The following RPS17 variants were observed in gnomAD, a reference collection of about 807,000 sequenced individuals.
The protein encoded by RPS17 is small ribosomal subunit protein eS17.
For synonymous variants in RPS17, 75 were observed against 65.6 expected (o/e 1.14, Z -0.70); for missense variants, 68 against 182.3 (o/e 0.37, Z 3.61).
intron 2 of RPS17, chr15:82,539,291 T>A: frequency 3.6e-6 from 2 of 556,990 alleles, no homozygotes; most frequent in South Asian, 3.1e-5. Context: ...AATTTCAAAT[T>A]CACATAACTT....
At chr15:82,537,116 A>C (rs1456654560) in intron 4 of RPS17, 2 of 615,438 alleles carry the variant, frequency 3.2e-6, no homozygotes, top group African/African-American at 1.9e-5. Context: ...ACTTTTACCC[A>C]ATGTACCATG....
intron 4 of RPS17, chr15:82,537,805 G>A (rs1276404357): frequency 7.2e-5 from 32 of 447,252 alleles, no homozygotes; most frequent in South Asian, 4.0e-4. Flanking sequence ...ATCACCAACC[G>A]CCCATGAAGC....
chr15:82,537,014 G>A, intron 4 of RPS17, 133 bp from the exon 5 acceptor site: 1 of 944,452 alleles, frequency 1.1e-6, no homozygotes, highest in South Asian at 1.3e-5. Context: ...CCCTTTAAGA[G>A]CCAACAGGGT....
chr15:82,538,432 C>T, intron 3 of RPS17, 61 bp from the exon 4 acceptor site: 3 of 1,564,348 alleles, frequency 1.9e-6, no homozygotes, highest in Non-Finnish European at 1.8e-6. Flanking sequence ...CACCTCTCCT[C>T]CTCCTCTCCC....
At position 82,540,010 on chromosome 15, in the gene RPS17, G is replaced by T. The variant is rs1488454011; in HGVS notation, c.126C>A (p.Pro42=). 6.2e-7 allele frequency: 1 copy of T among 1,612,154 alleles called. No homozygotes were observed. The highest frequency in any genetic ancestry group is 2.2e-5 in the East Asian group (1 of 44,886). Residue 42 remains proline, a synonymous_variant, in exon 2 of 5, where the codon CCC becomes CCA. Coordinates refer to ENST00000647841, the MANE Select transcript of RPS17 (RefSeq NM_001021.6). The part of the protein sequence containing the change: ...KRVCEEIAII[P]SKKLRNKIAG... The stretch of plus-strand genomic sequence containing the variant: ...CTATCTTGTTGCGGAGCTTTTTGCT[G>T]GGGATAATGGCGATCTCCTCGCACA...
chr15:82,538,213 T>C, intron 4 of RPS17, 93 bp downstream of exon 4: 1 of 1,383,980 alleles, frequency 7.2e-7, no homozygotes, highest in East Asian at 2.3e-5. Context: ...TTCCCAACTC[T>C]GCCACTTACT....
Position 82,540,412 on chromosome 15 carries a change from G to C in RPS17, c.3+14C>G, listed in dbSNP as rs1047415278. ...CGATTGTGGAGGATGGCGGCCTCGA[G>C]CCAAAACACCTACCATGTTGGCGGG... On this transcript the variant is annotated intron_variant, in intron 1 of 4. Transcript: ENST00000647841. 1 of 1,595,558 alleles carries C rather than the reference G, an allele frequency of 6.3e-7. No homozygotes were observed. The highest frequency in any genetic ancestry group is 1.8e-5 in the Admixed American group (1 of 55,694).
chr15:82,539,634 A>G (rs1398746937), intron 2 of RPS17: 1 of 420,828 alleles, frequency 2.4e-6, no homozygotes, highest in Non-Finnish European at 4.5e-6. Context: ...GGTTGCAGTG[A>G]GCCGAGATGG....
rs1035919462 is a variant in RPS17, at chr15:82,538,874, G to A, written c.261+6C>T. On this transcript the variant is annotated splice_donor_region_variant and intron_variant, in intron 3 of 4. Transcript: ENST00000647841. ...AGCCAGAAGCCCAAATATCCAGAAA[G>A]TTTACCTCAGGAACATAATTGTCTC... The A allele has an allele frequency of 8.7e-6, 14 of 1,613,728 alleles. No individual in the cohort carries two copies. In the African/African-American group the frequency reaches 9.3e-5, roughly 11 times the overall value.
Position 82,540,146 on chromosome 15 carries a change from G to A in RPS17, c.4-14C>T, listed in dbSNP as rs1360774442. 4.3e-6 allele frequency: 7 copies of A among 1,613,730 alleles called. No individual in the cohort carries two copies. Among genetic ancestry groups the A allele is most frequent in the Admixed American group, 1.7e-5 (1 of 60,030 alleles). On this transcript the variant is annotated splice_polypyrimidine_tract_variant and intron_variant, in intron 1 of 4. Coordinates refer to ENST00000647841, the MANE Select transcript of RPS17 (RefSeq NM_001021.6). ...GCGAACGCGGCCCTGCGGGTGGAGA[G>A]GACAGGATCACTCACGAGCCAGCGC... is the stretch of plus-strand genomic sequence containing the variant.
rs1008996512 is a variant in RPS17 at position 82,536,819 on chromosome 15, C to T, written c.390G>A (p.Thr130=). Residue 130 remains threonine (T), a synonymous_variant, in exon 5 of 5, where the codon ACG becomes ACA. Transcript: ENST00000647841. ...AAAAAATTCAAACAGGTCCCCGAGG[C>T]GTTTTGAAATTCATCCCAACTGTAG... The part of the protein sequence containing the change: ...TQPTVGMNFK[T]PRGPV 8.6e-5 allele frequency: 139 copies of T among 1,613,954 alleles called. No individual in the cohort carries two copies. Among genetic ancestry groups the T allele is most frequent in the Admixed American group, 2.5e-4 (15 of 60,018 alleles).
intron 1 of RPS17, 92 bp downstream of exon 1, chr15:82,540,334 C>T: frequency 1.3e-6 from 2 of 1,580,162 alleles, no homozygotes. Flanking sequence ...TGCGCCTTCC[C>T]GGCCCAGGGC....
At chr15:82,539,462 C>T (rs1241016163) in intron 2 of RPS17, 10 of 458,904 alleles carry the variant, frequency 2.2e-5, no homozygotes, top group East Asian at 2.1e-4. Flanking sequence ...CCGAGGCGGG[C>T]GGATCGCTTG....
intron 3 of RPS17, 144 bp downstream of exon 3, chr15:82,538,736 T>C: frequency 2.4e-6 from 2 of 844,872 alleles, no homozygotes; most frequent in Non-Finnish European, 4.1e-6. Flanking sequence ...AAGAAACTGG[T>C]AGGGGGCCTA....
intron 4 of RPS17, chr15:82,537,090 C>A: frequency 1.5e-6 from 1 of 653,010 alleles, no homozygotes. Context: ...GTGGTATCCC[C>A]ATTTACAACT....
rs2034289587 is a variant in RPS17, at chr15:82,538,977, G to A, written c.164C>T (p.Thr55Met). 6.2e-7 allele frequency: 1 copy of A among 1,613,918 alleles called. No homozygotes were observed. The highest frequency in any genetic ancestry group is 8.5e-7 in the Non-Finnish European group (1 of 1,179,836). ...KLRNKIAGYV[T>M]HLMKRIQRGP... The stretch of plus-strand genomic sequence containing the variant: ...TCTCTGAATTCGCTTCATCAGATGC[G>A]TGACATAACTACAAAGCACACACAG... Residue 55 changes from threonine (T) to methionine (M), a missense_variant, in exon 3 of 5, where the codon ACG becomes ATG. Physicochemically the swap from Thr to Met is moderately conservative, Grantham distance 81 (BLOSUM62 -1). Coordinates refer to ENST00000647841, the MANE Select transcript of RPS17 (RefSeq NM_001021.6).
chr15:82,540,208 G>T, intron 1 of RPS17, 76 bp from the exon 2 acceptor site: 1 of 1,612,096 alleles, frequency 6.2e-7, no homozygotes, highest in Non-Finnish European at 8.5e-7. Flanking sequence ...AGCCCCGGCC[G>T]GTGTGGTTGG....
intron 2 of RPS17, 115 bp from the exon 3 acceptor site, chr15:82,539,100 G>A (rs892957988): frequency 9.5e-7 from 1 of 1,048,658 alleles, no homozygotes; most frequent in Admixed American, 1.7e-5. Flanking sequence ...CAGTGAGAAG[G>A]AAGAGGACTC....
intron 2 of RPS17, chr15:82,539,339 G>A: frequency 2.1e-6 from 1 of 483,538 alleles, no homozygotes; most frequent in Non-Finnish European, 4.1e-6. Context: ...ATTCTTCCAG[G>A]CCATATGCCT....
Sources: gnomAD v4.1 joint callset for allele counts on GRCh38, gnomAD v4.1.1 for gene constraint, MANE v1.5 for transcripts, NCBI Gene and HGNC (gene_info 2026-07-23, HGNC 2026-07-21) for gene names.